RECQL4: variants seen among roughly 807,000 people sequenced by gnomAD.
The protein encoded by RECQL4 is RecQ like helicase 4, also known as ATP-dependent DNA helicase Q4.
In RECQL4, 158 loss-of-function variants were observed where a neutral mutation model predicts 128.6. That is an observed-to-expected ratio of 1.23 (90% CI 1.08 to 1.40). The LOEUF (loss-of-function observed/expected upper bound fraction) is 1.40. RECQL4 is among the 40% of genes most tolerant of loss of function. RECQL4 has a pLI of 0.00. For missense variants in RECQL4, 2,293 were observed against 1,649.8 expected (o/e 1.39, Z -6.75); for synonymous variants, 996 against 678.9 (o/e 1.47, Z -7.26).
Position 144,514,073 on chromosome 8 carries a change from A to G in RECQL4, c.1913T>C (p.Leu638Pro), listed in dbSNP as rs977450143. Residue 638 changes from leucine (L) to proline (P), a missense_variant, in exon 12 of 21, where the codon CTG becomes CCG. By Grantham distance (98) the Leu-to-Pro change is moderately conservative (BLOSUM62 -3). Coordinates refer to ENST00000617875, the MANE Select transcript of RECQL4 (RefSeq NM_004260.4). ...LRERMGVHCF[L>P]GLTATATRRT... Reference sequence around the variant, plus strand: ...GCGTGTGGCTGTGGCTGTGAGGCCCAGGAAGCAGTGCACGCCCATGCGCTC... The same window carrying G: ...GCGTGTGGCTGTGGCTGTGAGGCCCGGGAAGCAGTGCACGCCCATGCGCTC... 19 of 1,593,070 alleles carry G rather than the reference A, an allele frequency of 1.2e-5. No homozygotes were observed. The highest frequency in any genetic ancestry group is 1.5e-5 in the Non-Finnish European group (18 of 1,171,140).
rs369852601 is a variant in RECQL4 at position 144,514,521 on chromosome 8, G to A, written c.1625C>T (p.Ser542Phe). The change falls in exon 10 of 21, where the codon TCT (serine) becomes TTT (phenylalanine). Residue 542 changes from serine to phenylalanine, a missense_variant. Coordinates refer to ENST00000617875, the MANE Select transcript of RECQL4 (RefSeq NM_004260.4). ...PLLSLMDDQVSGLPPCLKAAC... is the reference protein window; with the variant it reads ...PLLSLMDDQVFGLPPCLKAAC... Reference sequence around the variant, plus strand: ...CGCCTTGAGACACGGTGGCAGGCCAGACACCTGCAAATGCAGGAGCGACAG... The same window carrying A: ...CGCCTTGAGACACGGTGGCAGGCCAAACACCTGCAAATGCAGGAGCGACAG... The A allele has an allele frequency of 8.1e-4, 1,301 of 1,611,196 alleles. 25 individuals carry two copies. The South Asian group carries it at 0.011, about 14-fold the overall frequency.
chr8:144,513,159 G>A (rs1305079493), intron 14 of RECQL4, 21 bp from the exon 15 acceptor site: 1 of 1,558,136 alleles, frequency 6.4e-7, no homozygotes, highest in African/African-American at 1.3e-5. Flanking sequence ...ACTTTCATGA[G>A]GGTGGGGTGG....
chr8:144,516,807 T>G (rs1298589701), intron 4 of RECQL4, 43 bp from the exon 5 acceptor site: 1 of 1,503,270 alleles, frequency 6.7e-7, no homozygotes, highest in African/African-American at 1.4e-5. Flanking sequence ...CTCAGGCCCC[T>G]GAGCTACTGT....
At position 144,513,242 on chromosome 8, in the gene RECQL4, G is replaced by A. The variant is rs1286459245; in HGVS notation, c.2439C>T (p.His813=). The A allele has an allele frequency of 2.5e-6, 4 of 1,586,986 alleles. No individual in the cohort carries two copies. The highest frequency in any genetic ancestry group is 1.3e-5 in the African/African-American group (1 of 74,616). The change falls in exon 14 of 21, where the codon CAC becomes CAT. Residue 813 remains histidine (H), a synonymous_variant. Coordinates refer to ENST00000617875, the MANE Select transcript of RECQL4 (RefSeq NM_004260.4). ...GRAGRDGQPA[H]CHLFLQPQGE... ...CCTGGGGCTGCAGGAAGAGGTGGCA[G>A]TGGGCAGGCTGCCCGTCACGCCCGG...
intron 3 of RECQL4, 73 bp downstream of exon 3, chr8:144,517,341 C>T: frequency 6.7e-7 from 1 of 1,485,882 alleles, no homozygotes; most frequent in Non-Finnish European, 9.0e-7. Context: ...GCGGCCTGGC[C>T]GCGACTCCGT....
At chr8:144,514,700 G>C (rs1827893516) in intron 9 of RECQL4, among the ~76,000 whole-genome samples, 175 bp from the exon 10 acceptor site, 1 of 152,056 alleles carries the variant, frequency 6.6e-6, no homozygotes, top group Non-Finnish European at 1.5e-5. Context: ...AGGAGCCCCA[G>C]AGCAGACAGA....
rs887031349 is a variant in RECQL4, at chr8:144,517,489, G to C, written c.138C>G (p.Arg46=). ...CCTGGCCCGTGGTACGCTTCAGAGT[G>C]CGGTATTCCCGGTAGAGCGCTGCGT... is the stretch of plus-strand genomic sequence containing the variant. ...EETRALYREY[R]TLKRTTGQAG... Residue 46 remains arginine, a synonymous_variant, in exon 3 of 21, where the codon CGC becomes CGG. Transcript: ENST00000617875. The C allele has an allele frequency of 3.1e-6, 5 of 1,597,086 alleles. No homozygotes were observed. The African/African-American group carries it at 6.7e-5, about 21-fold the overall frequency.
chr8:144,513,433 T>C lies in RECQL4; in HGVS notation c.2248A>G (p.Ser750Gly). Reference protein sequence around the residue: ...TAEAYHAGMCSRERRRVQRAF... With the variant: ...TAEAYHAGMCGRERRRVQRAF... ...CGCTGTACCCGCCGCCGTTCCCGGC[T>C]GCACATGCCCGCGTGGTAGGCCTCG... Residue 750 changes from serine to glycine, a missense_variant, in exon 14 of 21, where the codon AGC becomes GGC. Physicochemically the swap from Ser to Gly is moderately conservative, Grantham distance 56 (BLOSUM62 0). Transcript: ENST00000617875. The C allele has an allele frequency of 6.2e-7, 1 of 1,609,802 alleles. No homozygotes were observed. Among genetic ancestry groups the C allele is most frequent in the Non-Finnish European group, 8.5e-7 (1 of 1,179,780 alleles).
At position 144,512,018 on chromosome 8, in the gene RECQL4, G is replaced by A. The variant is rs371049072; in HGVS notation, c.3286C>T (p.Arg1096Cys). 4.4e-6 allele frequency: 7 copies of A among 1,608,826 alleles called. No homozygotes were observed. The highest frequency in any genetic ancestry group is 4.0e-5 in the African/African-American group (3 of 74,900). ...AGCAGGTCCTTGAGCCTGGTGCTGC[G>A]CTCCTCATCCTGCTGCTCCAGGCAG... The part of the protein sequence containing the change: ...GPCLEQQDEE[R>C]STRLKDLLGR... The change falls in exon 19 of 21, where the codon CGC becomes TGC. Residue 1096 changes from arginine (R) to cysteine (C), a missense_variant. Coordinates refer to ENST00000617875, the MANE Select transcript of RECQL4 (RefSeq NM_004260.4).
In RECQL4 at chr8:144,511,371, A is replaced by C; in HGVS notation, c.*60T>G. The stretch of plus-strand genomic sequence containing the variant: ...TGTGGCAGGTTTTGCCCAGGTCCTC[A>C]GTCACTGCCCTAGCCTCTGACAACC... On this transcript the variant is annotated 3_prime_UTR_variant, in exon 21 of 21. Coordinates refer to ENST00000617875, the MANE Select transcript of RECQL4 (RefSeq NM_004260.4). 1 of 1,594,078 alleles carries C rather than the reference A, an allele frequency of 6.3e-7. No individual in the cohort carries two copies. Among genetic ancestry groups the C allele is most frequent in the Non-Finnish European group, 8.6e-7 (1 of 1,164,814 alleles).
chr8:144,517,674 G>C, intron 1 of RECQL4, 27 bp downstream of exon 1: 1 of 1,456,130 alleles, frequency 6.9e-7, no homozygotes, highest in Non-Finnish European at 9.0e-7. Flanking sequence ...CGCGCCCTCA[G>C]CCCCTCGGCC....
intron 16 of RECQL4, 32 bp downstream of exon 16, chr8:144,512,610 A>G: frequency 6.2e-7 from 1 of 1,611,382 alleles, no homozygotes; most frequent in Non-Finnish European, 8.5e-7. Flanking sequence ...TGATTCTCCA[A>G]CCTCGTCTCC....
chr8:144,515,564 T>G, intron 6 of RECQL4, 107 bp from the exon 7 acceptor site: 1 of 1,541,322 alleles, frequency 6.5e-7, no homozygotes, highest in Non-Finnish European at 8.9e-7. Context: ...GCAGTGCCCT[T>G]CCTCTGGGCT....
In RECQL4 at chr8:144,511,421, T is replaced by A. The variant is rs752292609; in HGVS notation, c.*10A>T. ...CCCAGCTCTACCCGACATCCCCCAA[T>A]GCAGTGCAGTCAGCGGGCCACCTGC... On this transcript the variant is annotated 3_prime_UTR_variant, in exon 21 of 21. Coordinates refer to ENST00000617875, the MANE Select transcript of RECQL4 (RefSeq NM_004260.4). The A allele has an allele frequency of 6.2e-7, 1 of 1,611,688 alleles. No individual in the cohort carries two copies. The highest frequency in any genetic ancestry group is 1.3e-5 in the African/African-American group (1 of 74,922).
chr8:144,512,758 CAA>C lies in RECQL4; in HGVS notation c.2767_2768del (p.Leu923AlafsTer53), dbSNP rs757032044. On this transcript the variant is annotated frameshift_variant, in exon 16 of 21. Coordinates refer to ENST00000617875, the MANE Select transcript of RECQL4 (RefSeq NM_004260.4). LOFTEE classifies it high-confidence loss of function. ...LDMPEEAIET[L>X]LCYLELHPHH... The stretch of plus-strand genomic sequence containing the variant: ...GTGGGTGCAGCTCCAGGTAGCACAG[CAA>C]AGTCTCGATGGCTGGGGGCAGAGCA... 1.2e-6 allele frequency: 2 copies of C among 1,611,930 alleles called. No individual in the cohort carries two copies. Among genetic ancestry groups the C allele is most frequent in the Non-Finnish European group, 1.7e-6 (2 of 1,179,778 alleles).
At chr8:144,511,660 G>A (rs372943506) in intron 20 of RECQL4, 21 bp downstream of exon 20, 110 of 1,610,014 alleles carry the variant, frequency 6.8e-5, no homozygotes, top group Middle Eastern at 5.0e-4. Flanking sequence ...CCTGCAGCGG[G>A]TGGGGCCTCC....
rs1815349306 is a variant in RECQL4, at chr8:144,517,445, C to T, written c.182G>A (p.Ser61Asn). ...GGCCGCCGCGGGGAGCGACTCGGAG[C>T]TGCGGAGCCCGCCGCCGGCCTGGCC... ...TTGQAGGGLRSSESLPAAAEE... is the reference protein window; with the variant it reads ...TTGQAGGGLRNSESLPAAAEE... The change falls in exon 3 of 21, where the codon AGC (serine) becomes AAC (asparagine). Residue 61 changes from serine (S) to asparagine (N), a missense_variant. Physicochemically the swap from Ser to Asn is conservative, Grantham distance 46. Transcript: ENST00000617875. The T allele has an allele frequency of 6.3e-7, 1 of 1,591,198 alleles. No homozygotes were observed. The highest frequency in any genetic ancestry group is 8.5e-7 in the Non-Finnish European group (1 of 1,173,816).
In RECQL4 at chr8:144,513,693, T is replaced by G; in HGVS notation, c.2078A>C (p.Gln693Pro). The change falls in exon 13 of 21, where the codon CAA (glutamine) becomes CCA (proline). Residue 693 changes from glutamine (Q) to proline (P), a missense_variant. Physicochemically the swap from Gln to Pro is moderately conservative, Grantham distance 76. Coordinates refer to ENST00000617875, the MANE Select transcript of RECQL4 (RefSeq NM_004260.4). ...ATCGAGGTTTTGAAAACGTTTGCCT[T>G]GCAGCAGCGTCAACAGTGCCTGATG... ...DTDQALLTLL[Q>P]GKRFQNLDSI... 6.5e-7 allele frequency: 1 copy of G among 1,546,842 alleles called. No homozygotes were observed. The highest frequency in any genetic ancestry group is 8.7e-7 in the Non-Finnish European group (1 of 1,146,196).
chr8:144,515,647 G>A lies in RECQL4; in HGVS notation c.1258+117C>T, dbSNP rs1828049405. On this transcript the variant is annotated intron_variant, in intron 6 of 20. Transcript: ENST00000617875. ...CCCTCCTTCAGGGGAGCTAGGGTAG[G>A]GCCTGGACCAGGGGTACCTGGAAGG... 8 of 1,468,680 alleles carry A rather than the reference G, an allele frequency of 5.4e-6. No homozygotes were observed. The Admixed American group carries it at 9.9e-5, about 18-fold the overall frequency. The allele number at this position is 1,468,680 out of a possible 1,614,324, so 91.0% of individuals were successfully genotyped here. A position where few individuals can be genotyped will look rare whatever the true frequency, so the allele number is the denominator to read the frequency against.
Sources: gnomAD v4.1 joint callset for allele counts (sites outside exome capture counted in the v4.1 genomes callset) on GRCh38, gnomAD v4.1.1 for gene constraint, MANE v1.5 for transcripts, NCBI Gene and HGNC (gene_info 2026-07-23, HGNC 2026-07-21) for gene names.